KCNIP2: variants seen among roughly 807,000 people sequenced by gnomAD.
The protein encoded by KCNIP2 is potassium voltage-gated channel interacting protein 2.
Under a neutral mutation model 39.0 loss-of-function variants are expected in KCNIP2, and 19 were observed. The observed-to-expected ratio is 0.49, with a 90% CI of 0.34 to 0.71. The LOEUF (loss-of-function observed/expected upper bound fraction) is 0.71. KCNIP2 is among the 30% of genes least tolerant of loss of function. The pLI is 0.01. For synonymous variants in KCNIP2, 111 were observed against 131.2 expected (o/e 0.85, Z 1.05); for missense variants, 261 against 346.0 (o/e 0.75, Z 1.95).
chr10:101,828,508 C>T lies in KCNIP2; in HGVS notation c.419-49G>A, dbSNP rs760678229. 2 of 1,605,916 alleles carry T rather than the reference C, an allele frequency of 1.2e-6. No individual in the cohort carries two copies. Among genetic ancestry groups the T allele is most frequent in the Non-Finnish European group, 1.7e-6 (2 of 1,173,486 alleles). On this transcript the variant is annotated intron_variant, in intron 5 of 9. Transcript: ENST00000356640. The surrounding 1 kb of genome is among the most constrained non-coding windows in gnomAD (Gnocchi z 6.6). ...TGGCTTCCACACAGGAGAGGACTTCCTCCCTCTAAGGAGCTCCCCATACCC... is the reference window on the plus strand; with the variant it reads ...TGGCTTCCACACAGGAGAGGACTTCTTCCCTCTAAGGAGCTCCCCATACCC...
Position 101,828,243 on chromosome 10 carries a change from A to C in KCNIP2, c.505T>G (p.Leu169Val). 6.2e-7 allele frequency: 1 copy of C among 1,614,072 alleles called. No individual in the cohort carries two copies. Among genetic ancestry groups the C allele is most frequent in the Non-Finnish European group, 8.5e-7 (1 of 1,180,010 alleles). Residue 169 changes from leucine (L) to valine (V), a missense_variant, in exon 7 of 10, where the codon TTG becomes GTG. Transcript: ENST00000356640. The surrounding 1 kb of genome is among the most constrained non-coding windows in gnomAD (Gnocchi z 6.6). ...SVSFEDFVAG[L>V]SVILRGTVDD... ...ACAGTTCCCCGAAGAATCACGGACA[A>C]ACCAGCCACAAAGTCCTGGGAAGGA... is the stretch of plus-strand genomic sequence containing the variant.
rs1167250960 is a variant in KCNIP2, at chr10:101,829,884, T to C, written c.183A>G (p.Pro61=). The stretch of plus-strand genomic sequence containing the variant: ...GGGGTCTGTGGGGGCGGAGGGAGGC[T>C]GGGGCGGCTAATGCTGAAGGGAGCG... The part of the protein sequence containing the change: ...LPSVSETLAA[P]ASLRPHRPRL... Residue 61 remains proline, a synonymous_variant, in exon 3 of 10, where the codon CCA becomes CCG. Coordinates refer to ENST00000356640, the MANE Select transcript of KCNIP2 (RefSeq NM_173191.3). 1.3e-6 allele frequency: 2 copies of C among 1,508,568 alleles called. No individual in the cohort carries two copies. The highest frequency in any genetic ancestry group is 1.8e-6 in the Non-Finnish European group (2 of 1,132,472). The allele number at this position is 1,508,568 out of a possible 1,614,324, so 93.4% of individuals were successfully genotyped here. A position where few individuals can be genotyped will look rare whatever the true frequency, so the allele number is the denominator to read the frequency against.
chr10:101,836,488 G>A (rs569337117), intron 1 of KCNIP2, among the ~76,000 whole-genome samples: 53 of 152,100 alleles, frequency 3.5e-4, no homozygotes, highest in African/African-American at 7.7e-4. Flanking sequence ...TGCCCCCGTC[G>A]GCATCCCAAA....
chr10:101,827,533 C>A, intron 9 of KCNIP2, 133 bp from the exon 10 acceptor site: 1 of 1,286,596 alleles, frequency 7.8e-7, no homozygotes. Context: ...CCAGAGAGAC[C>A]TGAGGTAGGG....
chr10:101,829,124 GT>G lies in KCNIP2; in HGVS notation c.298del (p.Thr100ProfsTer72). ...PEGLEQLQEQ[T>X]KFTRKELQVL... ...CTGCAACTCCTTGCGCGTGAATTTG[GT>G]TTGCTCCTGCAGCTGCTCCAGACCC... On this transcript the variant is annotated frameshift_variant, in exon 4 of 10. Coordinates refer to ENST00000356640, the MANE Select transcript of KCNIP2 (RefSeq NM_173191.3). LOFTEE classifies it high-confidence loss of function. The G allele has an allele frequency of 3.1e-6, 5 of 1,614,182 alleles. No individual in the cohort carries two copies. Among genetic ancestry groups the G allele is most frequent in the Non-Finnish European group, 4.2e-6 (5 of 1,180,022 alleles).
At chr10:101,831,007 ACT>A (rs1167952920) in intron 2 of KCNIP2, 63 bp downstream of exon 2, 1 of 1,377,266 alleles carries the variant, frequency 7.3e-7, no homozygotes, top group African/African-American at 1.4e-5. Context: ...ACGCGCACAC[ACT>A]CATGCACAGA....
chr10:101,828,901 C>G lies in KCNIP2; in HGVS notation c.348+174G>C. ...TGGAACGAAACTGACAGTCTACAGG[C>G]GCCACTTCCGTTCTGGCCCCGCCCC... is the stretch of plus-strand genomic sequence containing the variant. On this transcript the variant is annotated intron_variant, in intron 4 of 9. Transcript: ENST00000356640. The surrounding 1 kb of genome is among the most constrained non-coding windows in gnomAD (Gnocchi z 6.6). 6.6e-7 allele frequency: 1 copy of G among 1,526,580 alleles called. No individual in the cohort carries two copies. Among genetic ancestry groups the G allele is most frequent in the Non-Finnish European group, 8.8e-7 (1 of 1,133,820 alleles). The allele number at this position is 1,526,580 out of a possible 1,614,324, so 94.6% of individuals were successfully genotyped here.
At chr10:101,827,518 G>A (rs572006159) in intron 9 of KCNIP2, 118 bp from the exon 10 acceptor site, 3 of 1,311,272 alleles carry the variant, frequency 2.3e-6, no homozygotes, top group African/African-American at 1.4e-5. Context: ...AGAGGAAGGA[G>A]ATGCCCAGAG....
chr10:101,843,385 CTG>C lies in KCNIP2; in HGVS notation c.73+109_73+110del, dbSNP rs1448154680. On this transcript the variant is annotated intron_variant, in intron 1 of 9. Coordinates refer to ENST00000356640, the MANE Select transcript of KCNIP2 (RefSeq NM_173191.3). The surrounding 1 kb of genome is among the most constrained non-coding windows in gnomAD (Gnocchi z 6.7). Reference sequence around the variant, plus strand: ...CCGCCCAGACCGGCCATAAGAGTGCCTGGGAATGGGGCAGAGTGTGGGTGCGG... The same window carrying C: ...CCGCCCAGACCGGCCATAAGAGTGCCGGAATGGGGCAGAGTGTGGGTGCGG... 1.6e-6 allele frequency: 1 copy of C among 631,368 alleles called. No individual in the cohort carries two copies. Among genetic ancestry groups the C allele is most frequent in the Non-Finnish European group, 2.4e-6 (1 of 413,978 alleles). 39.1% of individuals were successfully genotyped at this position (631,368 alleles called of 1,614,324 possible).
chr10:101,828,877 GGAACGAAACT>G lies in KCNIP2; in HGVS notation c.348+188_349-182del. 3 of 1,545,904 alleles carry G rather than the reference GGAACGAAACT, an allele frequency of 1.9e-6. No individual in the cohort carries two copies. Among genetic ancestry groups the G allele is most frequent in the Non-Finnish European group, 2.6e-6 (3 of 1,144,966 alleles). ...TTCCCAGTGCACAAATAAAAAACAT[GGAACGAAACT>G]GACAGTCTACAGGCGCCACTTCCGT... is the stretch of plus-strand genomic sequence containing the variant. On this transcript the variant is annotated intron_variant, in intron 4 of 9. Transcript: ENST00000356640. This position sits in a 1 kb window ranked among gnomAD's most constrained non-coding sequence, Gnocchi z 6.6.
At position 101,841,989 on chromosome 10, in the gene KCNIP2, C is replaced by T. The variant is rs897721636; in HGVS notation, c.73+1507G>A. On this transcript the variant is annotated intron_variant, in intron 1 of 9. Coordinates refer to ENST00000356640, the MANE Select transcript of KCNIP2 (RefSeq NM_173191.3). Reference sequence around the variant, plus strand: ...GGCATGGTCTCTCATCTGGGGCCAGCCTGAGTGGCTCCCCTGATCCTGACT... The same window carrying T: ...GGCATGGTCTCTCATCTGGGGCCAGTCTGAGTGGCTCCCCTGATCCTGACT... Among the ~76,000 whole-genome samples the T allele has an allele frequency of 2.0e-5, 3 of 152,220 alleles. No individual in the cohort carries two copies. The East Asian group carries it at 5.8e-4, about 29-fold the overall frequency.
intron 1 of KCNIP2, among the ~76,000 whole-genome samples, chr10:101,834,097 C>T (rs2066074555): frequency 6.6e-6 from 1 of 152,038 alleles, no homozygotes; most frequent in Admixed American, 6.6e-5. Context: ...CTTCACCCCT[C>T]CCAGATGTTG....
At chr10:101,835,509 G>A (rs1480976738) in intron 1 of KCNIP2, among the ~76,000 whole-genome samples, 1 of 152,144 alleles carries the variant, frequency 6.6e-6, no homozygotes, top group Non-Finnish European at 1.5e-5. Context: ...TCCGGGAGAT[G>A]CTAAAGCCCT....
intron 1 of KCNIP2, among the ~76,000 whole-genome samples, chr10:101,833,020 T>C (rs1171285073): frequency 6.7e-6 from 1 of 148,992 alleles, no homozygotes; most frequent in Non-Finnish European, 1.5e-5. Flanking sequence ...CAGCAGAGGA[T>C]GGAGGGTGAG....
In KCNIP2 at chr10:101,828,976, C is replaced by T. The variant is rs2065857732; in HGVS notation, c.348+99G>A. The T allele has an allele frequency of 3.2e-6, 5 of 1,552,372 alleles. No homozygotes were observed. Among genetic ancestry groups the T allele is most frequent in the Admixed American group, 1.8e-5 (1 of 55,014 alleles). Reference sequence around the variant, plus strand: ...CTCAGGGCCTTGCCTCCCTTCCGCCCACACCTCAAGCATCCAAGCCATGCT... The same window carrying T: ...CTCAGGGCCTTGCCTCCCTTCCGCCTACACCTCAAGCATCCAAGCCATGCT... On this transcript the variant is annotated intron_variant, in intron 4 of 9. Coordinates refer to ENST00000356640, the MANE Select transcript of KCNIP2 (RefSeq NM_173191.3). The surrounding 1 kb of genome is among the most constrained non-coding windows in gnomAD (Gnocchi z 6.6).
intron 1 of KCNIP2, among the ~76,000 whole-genome samples, chr10:101,833,854 G>C (rs1395554549): frequency 6.6e-6 from 1 of 151,912 alleles, no homozygotes; most frequent in African/African-American, 2.4e-5. Context: ...GTGGGCCCCT[G>C]ACTCCAAAAA....
At chr10:101,839,652 T>A in intron 1 of KCNIP2, 2 of 1,052,528 alleles carry the variant, frequency 1.9e-6, no homozygotes, top group Admixed American at 1.7e-5. Flanking sequence ...GCTCCCTCCA[T>A]CTATTTGAGG....
chr10:101,839,663 G>C, intron 1 of KCNIP2: 1 of 1,168,512 alleles, frequency 8.6e-7, no homozygotes, highest in East Asian at 2.4e-5. Flanking sequence ...CTATTTGAGG[G>C]GCCCTTCCCT....
At chr10:101,829,284 G>A in intron 3 of KCNIP2, 85 bp from the exon 4 acceptor site, 2 of 1,434,512 alleles carry the variant, frequency 1.4e-6, no homozygotes, top group Non-Finnish European at 1.8e-6. Context: ...CCCCCTCCCC[G>A]CCCCCCGGTC....
Sources: gnomAD v4.1 joint callset for allele counts (sites outside exome capture counted in the v4.1 genomes callset) on GRCh38, gnomAD v4.1.1 for gene constraint, Gnocchi (gnomAD v3.1) non-coding constraint, MANE v1.5 for transcripts, NCBI Gene and HGNC (gene_info 2026-07-23, HGNC 2026-07-21) for gene names.